The following SETBP1 variants were observed in gnomAD, a reference collection of about 807,000 sequenced individuals.
SETBP1 encodes SET-binding protein.
In SETBP1, 9 loss-of-function variants were observed where a neutral mutation model predicts 101.0. That is an observed-to-expected ratio of 0.09 (90% CI 0.05 to 0.16). The LOEUF is 0.16. Ranked by LOEUF, SETBP1 falls within the 10% of genes least tolerant of loss-of-function variation. The pLI, the probability that SETBP1 is intolerant of heterozygous loss-of-function variation, is 1.00. For missense variants in SETBP1, 1,858 were observed against 2,033.8 expected (o/e 0.91, Z 1.66); for synonymous variants, 818 against 788.5 (o/e 1.04, Z -0.63).
intron 3 of SETBP1, among the ~76,000 whole-genome samples, chr18:44,873,567 A>T (rs1201064146): frequency 6.6e-6 from 1 of 152,162 alleles, no homozygotes; most frequent in East Asian, 1.9e-4. Flanking sequence ...AAAGTGAGGC[A>T]GTGGACTTAT....
At chr18:44,697,779 G>A (rs1001014350) in intron 1 of SETBP1, among the ~76,000 whole-genome samples, 6 of 152,188 alleles carry the variant, frequency 3.9e-5, no homozygotes, top group African/African-American at 1.2e-4. Context: ...TGAGCACCAC[G>A]GTCTGGAGTT....
chr18:44,906,324 C>G (rs1208274301), intron 3 of SETBP1, among the ~76,000 whole-genome samples: 1 of 152,110 alleles, frequency 6.6e-6, no homozygotes, highest in Non-Finnish European at 1.5e-5. Flanking sequence ...GATAGTAGTC[C>G]TAGCAGCCAC....
Position 44,928,707 on chromosome 18 carries a change from T to C in SETBP1, c.541-21174T>C, listed in dbSNP as rs187443700. On this transcript the variant is annotated intron_variant, in intron 3 of 5. Transcript: ENST00000649279. ...GATGATCAGCATGTTTTCATGTGTC[T>C]GCTGGCTGCATAAATGTCTTCTTTT... Among the ~76,000 whole-genome samples, 441 of 152,376 alleles carry C rather than the reference T, an allele frequency of 2.9e-3. 5 individuals carry two copies. Among genetic ancestry groups the C allele is most frequent in the African/African-American group, 0.01 (422 of 41,594 alleles).
rs1332620482 is a variant in SETBP1, at chr18:44,702,442, T to A, written c.486+610T>A. On this transcript the variant is annotated intron_variant, in intron 2 of 5. Transcript: ENST00000649279. ...CACCTCTGCTATAATCTTGGTATAATGTCTAGTTCTTTATCATATCTTCTG... is the reference window on the plus strand; with the variant it reads ...CACCTCTGCTATAATCTTGGTATAAAGTCTAGTTCTTTATCATATCTTCTG... Among the ~76,000 whole-genome samples the A allele has an allele frequency of 2.0e-5, 3 of 152,242 alleles. No individual in the cohort carries two copies. The East Asian group carries it at 5.8e-4, about 29-fold the overall frequency.
At chr18:44,823,953 C>T (rs1256855732) in intron 2 of SETBP1, among the ~76,000 whole-genome samples, 2 of 152,176 alleles carry the variant, frequency 1.3e-5, no homozygotes, top group East Asian at 1.9e-4. Flanking sequence ...AGCACTTTGG[C>T]TTCATACCAA....
chr18:44,710,179 T>A (rs890675660), intron 2 of SETBP1, among the ~76,000 whole-genome samples: 2 of 152,272 alleles, frequency 1.3e-5, no homozygotes. Flanking sequence ...TCCTACCACA[T>A]CTTTGACTTT....
At position 44,687,959 on chromosome 18, in the gene SETBP1, C is replaced by T. The variant is rs186596850; in HGVS notation, c.-173+6938C>T. Among the ~76,000 whole-genome samples, 84 of 152,226 alleles carry T rather than the reference C, an allele frequency of 5.5e-4. 2 individuals carry two copies. Among genetic ancestry groups the T allele is most frequent in the Middle Eastern group, 6.8e-3 (2 of 294 alleles). ...TTTGTGTGCATTCTGAGATCAGATA[C>T]GGTGACCCACAGTCTGCAAAACCAG... On this transcript the variant is annotated intron_variant, in intron 1 of 5. Transcript: ENST00000649279.
intron 2 of SETBP1, among the ~76,000 whole-genome samples, chr18:44,801,371 G>C (rs570577063): frequency 6.6e-6 from 1 of 152,304 alleles, no homozygotes; most frequent in East Asian, 1.9e-4. Context: ...CTTGTAGCTT[G>C]AGTGAGGGTT....
At chr18:44,949,023 G>C (rs1232165084) in intron 3 of SETBP1, among the ~76,000 whole-genome samples, 7 of 152,088 alleles carry the variant, frequency 4.6e-5, no homozygotes, top group Admixed American at 6.6e-5. Context: ...GTAGACTCAA[G>C]GTTGCTTTTG....
chr18:44,854,137 T>C lies in SETBP1; in HGVS notation c.487-15093T>C, dbSNP rs2072926282. On this transcript the variant is annotated intron_variant, in intron 2 of 5. Coordinates refer to ENST00000649279, the MANE Select transcript of SETBP1 (RefSeq NM_015559.3). Reference sequence around the variant, plus strand: ...CTGAGAGCAGGGCTTATATATTATTTGTTCATTGGCGTATCCCCAGAATGC... The same window carrying C: ...CTGAGAGCAGGGCTTATATATTATTCGTTCATTGGCGTATCCCCAGAATGC... Among the ~76,000 whole-genome samples, 3 of 152,104 alleles carry C rather than the reference T, an allele frequency of 2.0e-5. No individual in the cohort carries two copies. The South Asian group carries it at 6.2e-4, about 32-fold the overall frequency.
intron 2 of SETBP1, among the ~76,000 whole-genome samples, chr18:44,831,168 G>A (rs1002465081): frequency 5.3e-5 from 8 of 152,200 alleles, no homozygotes; most frequent in African/African-American, 1.2e-4. Context: ...ATGATGAACC[G>A]TTCTTATGTT....
chr18:44,735,939 G>A (rs1439646868), intron 2 of SETBP1, among the ~76,000 whole-genome samples: 2 of 152,216 alleles, frequency 1.3e-5, no homozygotes, highest in Admixed American at 6.5e-5. Context: ...ATCTTCAGCT[G>A]CTGTGGTGGG....
At chr18:44,835,589 A>G (rs1348225747) in intron 2 of SETBP1, among the ~76,000 whole-genome samples, 5 of 152,238 alleles carry the variant, frequency 3.3e-5, no homozygotes, top group African/African-American at 9.6e-5. Context: ...CCTATATTTT[A>G]TCTGGCAACC....
chr18:44,990,590 TCAAAAAA>T (rs2072344663), intron 4 of SETBP1, among the ~76,000 whole-genome samples: 1 of 145,818 alleles, frequency 6.9e-6, no homozygotes, highest in African/African-American at 2.5e-5. Flanking sequence ...AGACCTTGTC[TCAAAAAA>T]CAAACAAACA....
chr18:44,835,388 G>T (rs1383832879), intron 2 of SETBP1, among the ~76,000 whole-genome samples: 1 of 152,026 alleles, frequency 6.6e-6, no homozygotes, highest in African/African-American at 2.4e-5. Flanking sequence ...TTTGCTCCCT[G>T]CCCTCAGCTT....
intron 4 of SETBP1, among the ~76,000 whole-genome samples, chr18:45,003,878 T>C (rs1471988682): frequency 1.3e-5 from 2 of 152,154 alleles, no homozygotes; most frequent in Non-Finnish European, 2.9e-5. Flanking sequence ...GGGTAGTCCT[T>C]TCGTAAGATA....
chr18:45,012,839 G>T (rs983793144), intron 4 of SETBP1, among the ~76,000 whole-genome samples: 2 of 152,192 alleles, frequency 1.3e-5, no homozygotes, highest in African/African-American at 4.8e-5. Flanking sequence ...ATTGTGGACT[G>T]ATAGACATTG....
rs200286635 is a variant in SETBP1, at chr18:44,950,251, G to A, written c.911G>A (p.Ser304Asn). The A allele has an allele frequency of 6.2e-7, 1 of 1,614,056 alleles. No individual in the cohort carries two copies. Among genetic ancestry groups the A allele is most frequent in the East Asian group, 2.2e-5 (1 of 44,884 alleles). The change falls in exon 4 of 6, where the codon AGC becomes AAC. Residue 304 changes from serine (S) to asparagine (N), a missense_variant. Transcript: ENST00000649279. ...SSHSSPAPPS[S>N]SAECNGLQPL... The stretch of plus-strand genomic sequence containing the variant: ...CACAGCTCACCAGCCCCACCCAGCA[G>A]CTCTGCTGAGTGCAACGGGCTTCAG...
chr18:44,892,346 A>T (rs755178856), intron 3 of SETBP1, among the ~76,000 whole-genome samples: 15 of 152,176 alleles, frequency 9.9e-5, no homozygotes, highest in Non-Finnish European at 2.1e-4. Flanking sequence ...GGAATTAAGG[A>T]TGGGAAGCAA....
Sources: gnomAD v4.1 joint callset for allele counts (sites outside exome capture counted in the v4.1 genomes callset) on GRCh38, gnomAD v4.1.1 for gene constraint, MANE v1.5 for transcripts, NCBI Gene and HGNC (gene_info 2026-07-23, HGNC 2026-07-21) for gene names.